TMCC1: variants seen among roughly 807,000 people sequenced by gnomAD.
TMCC1 encodes the protein transmembrane and coiled-coil domains protein 1.
A neutral mutation model predicts 52.4 loss-of-function variants in TMCC1; 15 were observed. The ratio of observed to expected loss-of-function variants is 0.29; its 90% confidence interval spans 0.19 to 0.44. The LOEUF (loss-of-function observed/expected upper bound fraction) is 0.44. Ranked by LOEUF, TMCC1 falls within the 20% of genes least tolerant of loss-of-function variation. The probability of loss-of-function intolerance (pLI) is 1.00; values close to 1 mark genes in which losing one functional copy is unlikely to be tolerated. For missense variants in TMCC1, 503 were observed against 806.0 expected (o/e 0.62, Z 4.55); for synonymous variants, 279 against 301.9 (o/e 0.92, Z 0.79).
At chr3:129,881,595 A>G (rs1429529209) in intron 1 of TMCC1, among the ~76,000 whole-genome samples, 2 of 152,246 alleles carry the variant, frequency 1.3e-5, no homozygotes, top group African/African-American at 4.8e-5. Context: ...GGTGGTTTGC[A>G]TACCTTTTTA....
intron 4 of TMCC1, among the ~76,000 whole-genome samples, chr3:129,759,957 G>C (rs1486538769): frequency 6.6e-6 from 1 of 151,660 alleles, no homozygotes; most frequent in South Asian, 2.1e-4. Flanking sequence ...TCCTGACCTC[G>C]TGATCCACCC....
At position 129,651,499 on chromosome 3, in the gene TMCC1, G is replaced by T. The variant is rs114782689; in HGVS notation, c.1944C>A (p.Phe648Leu). The change falls in exon 7 of 7, where the codon TTC becomes TTA. Residue 648 changes from phenylalanine to leucine, a missense_variant. Physicochemically the swap from Phe to Leu is conservative, Grantham distance 22. Around this residue, in one of 7 missense-constraint regions of TMCC1, gnomAD observed 50 missense variants for 62.6 expected, o/e 0.80. Transcript: ENST00000393238. This position sits in a 1 kb window ranked among gnomAD's most constrained non-coding sequence, Gnocchi z 5.1. ...WDALFSYVER[F>L]FSSPR ...GCCAGCATCATCTAGGGGATGAAAAGAACCGTTCCACATAGCTGAAGAGGG... is the reference window on the plus strand; with the variant it reads ...GCCAGCATCATCTAGGGGATGAAAATAACCGTTCCACATAGCTGAAGAGGG... The T allele has an allele frequency of 6.2e-7, 1 of 1,613,768 alleles. No homozygotes were observed. Among genetic ancestry groups the T allele is most frequent in the African/African-American group, 1.3e-5 (1 of 74,894 alleles).
chr3:129,831,389 T>C (rs2058905323), intron 3 of TMCC1, among the ~76,000 whole-genome samples: 1 of 152,110 alleles, frequency 6.6e-6, no homozygotes, highest in African/African-American at 2.4e-5. Context: ...AATTATCGGA[T>C]TTTCAAAGGC....
intron 4 of TMCC1, among the ~76,000 whole-genome samples, chr3:129,746,799 C>T (rs1240721926): frequency 6.6e-6 from 1 of 152,190 alleles, no homozygotes; most frequent in Non-Finnish European, 1.5e-5. Flanking sequence ...TTCAGTATTA[C>T]ATCACCAGCA....
intron 4 of TMCC1, among the ~76,000 whole-genome samples, chr3:129,809,697 A>G (rs1420700233): frequency 1.3e-5 from 2 of 152,226 alleles, no homozygotes; most frequent in Non-Finnish European, 2.9e-5. Context: ...ATTTATAGAA[A>G]AACATTTAGT....
intron 1 of TMCC1, among the ~76,000 whole-genome samples, chr3:129,886,030 T>C (rs77815771): frequency 1.3e-5 from 2 of 152,196 alleles, no homozygotes; most frequent in African/African-American, 4.8e-5. Flanking sequence ...CGTGAGCCAC[T>C]GTGCCCGGCT....
chr3:129,797,986 C>CAT (rs371211330), intron 4 of TMCC1, among the ~76,000 whole-genome samples: 11 of 136,662 alleles, frequency 8.0e-5, no homozygotes, highest in African/African-American at 3.0e-4. Context: ...AGTTGTGTGC[C>CAT]TTTTTTTTTT....
chr3:129,764,083 G>A (rs990308663), intron 4 of TMCC1, among the ~76,000 whole-genome samples: 1 of 152,044 alleles, frequency 6.6e-6, no homozygotes, highest in Non-Finnish European at 1.5e-5. Context: ...AATCTTCCTG[G>A]TAGACAAAAT....
intron 1 of TMCC1, among the ~76,000 whole-genome samples, chr3:129,881,901 C>T (rs1423243614): frequency 6.6e-6 from 1 of 152,126 alleles, no homozygotes; most frequent in African/African-American, 2.4e-5. Flanking sequence ...ATATATGTAA[C>T]TGGAATCCGA....
At chr3:129,659,657 C>A (rs2086895767) in intron 5 of TMCC1, among the ~76,000 whole-genome samples, 1 of 152,156 alleles carries the variant, frequency 6.6e-6, no homozygotes, top group African/African-American at 2.4e-5. Context: ...CAATGTTTAT[C>A]ATAAGAAGGT....
At chr3:129,880,785 C>G (rs948219360) in intron 1 of TMCC1, among the ~76,000 whole-genome samples, 4 of 151,448 alleles carry the variant, frequency 2.6e-5, no homozygotes, top group African/African-American at 4.8e-5. Context: ...AAGTATAATA[C>G]AAATATTCCA....
chr3:129,770,602 T>TAAAATAAATG (rs1351135465), intron 4 of TMCC1, among the ~76,000 whole-genome samples: 1 of 132,712 alleles, frequency 7.5e-6, no homozygotes, highest in Non-Finnish European at 1.6e-5. Flanking sequence ...TAAAATAAAA[T>TAAAATAAATG]AAATGAAATG....
intron 1 of TMCC1, among the ~76,000 whole-genome samples, chr3:129,883,708 G>A (rs750564808): frequency 5.3e-5 from 8 of 152,120 alleles, no homozygotes; most frequent in Non-Finnish European, 8.8e-5. Flanking sequence ...GCTGGGAGCA[G>A]TGGCTCACAC....
chr3:129,738,301 A>G (rs2051158904), intron 4 of TMCC1, among the ~76,000 whole-genome samples: 2 of 151,720 alleles, frequency 1.3e-5, no homozygotes, highest in African/African-American at 4.8e-5. Flanking sequence ...GAGAAGAAGA[A>G]AAAAGAAAGA....
chr3:129,881,775 G>C (rs1485406111), intron 1 of TMCC1, among the ~76,000 whole-genome samples: 1 of 152,146 alleles, frequency 6.6e-6, no homozygotes, highest in Non-Finnish European at 1.5e-5. Context: ...AAGGAAAGAC[G>C]AGTGAATGTA....
chr3:129,890,988 GACATAAAATGTATTT>G (rs1473069583), intron 1 of TMCC1, among the ~76,000 whole-genome samples: 1 of 152,154 alleles, frequency 6.6e-6, no homozygotes, highest in Admixed American at 6.5e-5. Context: ...TTCTAACAAA[GACATAAAATGTATTT>G]ACATAAAATG....
intron 1 of TMCC1, among the ~76,000 whole-genome samples, chr3:129,885,380 G>C (rs1463213206): frequency 1.3e-5 from 2 of 151,994 alleles, no homozygotes; most frequent in African/African-American, 4.8e-5. Context: ...CTGAGGTCAG[G>C]AGTTCAAGAC....
chr3:129,807,237 A>AGCATG (rs2057519265), intron 4 of TMCC1, among the ~76,000 whole-genome samples: 1 of 152,208 alleles, frequency 6.6e-6, no homozygotes, highest in South Asian at 2.1e-4. Flanking sequence ...GAGTTACAAA[A>AGCATG]GCATGGCAAT....
At chr3:129,850,334 C>G (rs1454185832) in intron 2 of TMCC1, among the ~76,000 whole-genome samples, 1 of 152,032 alleles carries the variant, frequency 6.6e-6, no homozygotes, top group Non-Finnish European at 1.5e-5. Context: ...TATTTTATAC[C>G]CAACACACTG....
Sources: gnomAD v4.1 joint callset for allele counts (sites outside exome capture counted in the v4.1 genomes callset) on GRCh38, gnomAD v4.1.1 for gene constraint, gnomAD v4.1.1 regional missense constraint, Gnocchi (gnomAD v3.1) non-coding constraint, MANE v1.5 for transcripts, NCBI Gene and HGNC (gene_info 2026-07-23, HGNC 2026-07-21) for gene names.